ATG4C: variants seen among roughly 807,000 people sequenced by gnomAD.
The protein encoded by ATG4C is autophagy related 4C cysteine peptidase.
Under a neutral mutation model 57.6 loss-of-function variants are expected in ATG4C, and 56 were observed. The observed-to-expected ratio is 0.97, with a 90% CI of 0.78 to 1.21. ATG4C has a LOEUF of 1.21. ATG4C is among the 50% of genes most tolerant of loss of function. ATG4C has a pLI of 0.00. For synonymous variants in ATG4C, 157 were observed against 174.1 expected, an observed-to-expected ratio of 0.90 and a Z score of 0.78; for missense variants, 595 against 529.8, an observed-to-expected ratio of 1.12 and a Z score of -1.21.
chr1:62,834,742 T>C (rs769138208), intron 8 of ATG4C, 34 bp from the exon 9 acceptor site: 2 of 1,565,822 alleles, frequency 1.3e-6, no homozygotes, highest in Admixed American at 1.7e-5. Context: ...TAAGGTGTTT[T>C]TTGAATTACT....
Position 62,803,803 on chromosome 1 carries a change from C to T in ATG4C, c.17C>T (p.Thr6Ile). The T allele has an allele frequency of 1.2e-6, 2 of 1,606,096 alleles. No homozygotes were observed. The highest frequency in any genetic ancestry group is 1.7e-5 in the Admixed American group (1 of 59,146). The change falls in exon 2 of 11, where the codon ACA (threonine) becomes ATA (isoleucine). Residue 6 changes from threonine (T) to isoleucine (I), a missense_variant. Transcript: ENST00000317868. MEATG[T>I]DEVDKLKTKF... Reference sequence around the variant, plus strand: ...AATTTGAATATGGAGGCTACAGGAACAGATGAAGTTGACAAGCTAAAAACC... The same window carrying T: ...AATTTGAATATGGAGGCTACAGGAATAGATGAAGTTGACAAGCTAAAAACC...
At chr1:62,820,989 ACC>A (rs1665462298) in intron 5 of ATG4C, 148 bp from the exon 6 acceptor site, 1 of 505,284 alleles carries the variant, frequency 2.0e-6, no homozygotes, top group Non-Finnish European at 3.6e-6. Context: ...GATGTCTGAT[ACC>A]ATTCAGATAA....
chr1:62,826,378 G>C (rs1184480337), intron 6 of ATG4C, among the ~76,000 whole-genome samples: 9 of 151,746 alleles, frequency 5.9e-5, no homozygotes, highest in Admixed American at 3.9e-4. Flanking sequence ...TGGAACTATA[G>C]GCGCCCGCCA....
In ATG4C at chr1:62,820,241, G is replaced by A. The variant is rs1012664062; in HGVS notation, c.726-898G>A. On this transcript the variant is annotated intron_variant, in intron 5 of 10. Coordinates refer to ENST00000317868, the MANE Select transcript of ATG4C (RefSeq NM_032852.4). ...TACCCTTCAAGATGTTCTCTACTCC[G>A]GGGGACAGCAAACTTCTTCTGTGAA... 5.3e-5 allele frequency among the ~76,000 whole-genome samples: 8 copies of A among 151,922 alleles called. 1 individual carries two copies. The highest frequency in any genetic ancestry group is 1.2e-4 in the African/African-American group (5 of 41,392).
intron 10 of ATG4C, among the ~76,000 whole-genome samples, chr1:62,862,676 T>C (rs976750924): frequency 2.6e-5 from 4 of 152,102 alleles, no homozygotes; most frequent in African/African-American, 7.2e-5. Context: ...CTAGTTTTGT[T>C]AATATTGATT....
intron 3 of ATG4C, among the ~76,000 whole-genome samples, chr1:62,815,602 C>T (rs1228612288): frequency 6.6e-6 from 1 of 152,178 alleles, no homozygotes; most frequent in Admixed American, 6.5e-5. Flanking sequence ...TTAATCATGG[C>T]TCAATGCAGC....
intron 1 of ATG4C, among the ~76,000 whole-genome samples, chr1:62,792,808 A>G (rs1664323220): frequency 6.6e-6 from 1 of 152,076 alleles, no homozygotes; most frequent in South Asian, 2.1e-4. Context: ...TTTTTACTGT[A>G]TAGGTGGTTG....
intron 1 of ATG4C, among the ~76,000 whole-genome samples, chr1:62,801,141 A>G (rs1239331828): frequency 6.6e-6 from 1 of 152,196 alleles, no homozygotes; most frequent in East Asian, 1.9e-4. Flanking sequence ...GAAGCTGAGT[A>G]AGTAGGCAGA....
intron 6 of ATG4C, among the ~76,000 whole-genome samples, chr1:62,826,691 C>T (rs1665669449): frequency 6.6e-6 from 1 of 151,174 alleles, no homozygotes; most frequent in Non-Finnish European, 1.5e-5. Context: ...GTGCTCCACC[C>T]ATTAACTCAT....
intron 10 of ATG4C, among the ~76,000 whole-genome samples, chr1:62,849,649 T>C (rs990259391): frequency 5.3e-5 from 8 of 152,070 alleles, no homozygotes; most frequent in African/African-American, 4.8e-5. Context: ...GTAGCTAGGA[T>C]TACCGGTGCC....
intron 6 of ATG4C, among the ~76,000 whole-genome samples, chr1:62,823,936 A>G (rs1281536941): frequency 6.6e-6 from 1 of 152,162 alleles, no homozygotes; most frequent in African/African-American, 2.4e-5. Context: ...TGTGGTCTGT[A>G]ACATTTGGAA....
chr1:62,863,671 G>T (rs1666919706), intron 10 of ATG4C, among the ~76,000 whole-genome samples: 1 of 152,012 alleles, frequency 6.6e-6, no homozygotes, highest in Non-Finnish European at 1.5e-5. Context: ...ACCTAAAGAA[G>T]ATAAATTACA....
At chr1:62,795,933 A>G (rs1363644342) in intron 1 of ATG4C, among the ~76,000 whole-genome samples, 1 of 141,004 alleles carries the variant, frequency 7.1e-6, no homozygotes, top group Non-Finnish European at 1.5e-5. Context: ...ATTGTGAAGT[A>G]TATTATTTTG....
chr1:62,810,683 G>A (rs1414251337), intron 3 of ATG4C, among the ~76,000 whole-genome samples: 1 of 150,588 alleles, frequency 6.6e-6, no homozygotes, highest in Non-Finnish European at 1.5e-5. Context: ...TATCAGATAG[G>A]AAGCTAGCAA....
At chr1:62,827,325 C>T (rs189322138) in intron 6 of ATG4C, among the ~76,000 whole-genome samples, 5 of 151,036 alleles carry the variant, frequency 3.3e-5, no homozygotes, top group East Asian at 1.9e-4. Flanking sequence ...TTAAGATACT[C>T]GCACTTTTTG....
intron 5 of ATG4C, among the ~76,000 whole-genome samples, chr1:62,820,857 C>CT (rs1665459098): frequency 6.6e-6 from 1 of 151,850 alleles, no homozygotes; most frequent in South Asian, 2.1e-4. Context: ...AGAAATCCTT[C>CT]TTTTTGGAGG....
intron 10 of ATG4C, among the ~76,000 whole-genome samples, chr1:62,855,156 C>T (rs1666644891): frequency 6.6e-6 from 1 of 152,040 alleles, no homozygotes; most frequent in African/African-American, 2.4e-5. Context: ...TTTTGGGTCT[C>T]ACCTCTGCTT....
chr1:62,859,728 G>A (rs541779894), intron 10 of ATG4C, among the ~76,000 whole-genome samples: 1 of 151,052 alleles, frequency 6.6e-6, no homozygotes, highest in African/African-American at 2.4e-5. Flanking sequence ...ATGGAGTCTC[G>A]CTCTGTCGCC....
intron 1 of ATG4C, among the ~76,000 whole-genome samples, chr1:62,795,079 A>C (rs1331850019): frequency 6.6e-6 from 1 of 152,242 alleles, no homozygotes; most frequent in Non-Finnish European, 1.5e-5. Context: ...TTTGAGGAAG[A>C]TGCCTGAGCA....
Sources: gnomAD v4.1 joint callset for allele counts (sites outside exome capture counted in the v4.1 genomes callset) on GRCh38, gnomAD v4.1.1 for gene constraint, MANE v1.5 for transcripts, NCBI Gene and HGNC (gene_info 2026-07-23, HGNC 2026-07-21) for gene names.